The following CNTNAP2 variants were observed in gnomAD, a reference collection of about 807,000 sequenced individuals.
CNTNAP2 encodes contactin associated protein 2, also known as contactin-associated protein-like 2.
Under a neutral mutation model 155.2 loss-of-function variants are expected in CNTNAP2, and 98 were observed. That is an observed-to-expected ratio of 0.63 (90% CI 0.54 to 0.75). The LOEUF is 0.75. Ranked by LOEUF, CNTNAP2 falls within the 30% of genes least tolerant of loss-of-function variation. The pLI is 0.00. For synonymous variants in CNTNAP2, 651 were observed against 631.2 expected (o/e 1.03, Z -0.47); for missense variants, 1,727 against 1,688.1 (o/e 1.02, Z -0.40).
chr7:146,262,557 AAAAC>A (rs1195032871), intron 1 of CNTNAP2, among the ~76,000 whole-genome samples: 1 of 152,234 alleles, frequency 6.6e-6, no homozygotes, highest in Non-Finnish European at 1.5e-5. Flanking sequence ...TTGGTAATAA[AAAAC>A]AAGCAACCAA....
rs1230815767 is a variant in CNTNAP2 at position 147,685,406 on chromosome 7, T to A, written c.2098+46100T>A. On this transcript the variant is annotated intron_variant, in intron 13 of 23. Coordinates refer to ENST00000361727, the MANE Select transcript of CNTNAP2 (RefSeq NM_014141.6). Reference sequence around the variant, plus strand: ...ATGGACTTGACTTCTCTTGGAAATATAACTCAGAGTGTTTGAGAGATTTAG... The same window carrying A: ...ATGGACTTGACTTCTCTTGGAAATAAAACTCAGAGTGTTTGAGAGATTTAG... Among the ~76,000 whole-genome samples the A allele has an allele frequency of 7.1e-4, 108 of 152,004 alleles. 1 individual carries two copies. Among genetic ancestry groups the A allele is most frequent in the Non-Finnish European group, 1.5e-4 (10 of 67,960 alleles).
At chr7:147,322,024 G>C (rs184870665) in intron 9 of CNTNAP2, among the ~76,000 whole-genome samples, 1 of 152,304 alleles carries the variant, frequency 6.6e-6, no homozygotes, top group Admixed American at 6.5e-5. Context: ...GAGTCAGGAA[G>C]CTAGGCTTTT....
chr7:147,807,562 T>G (rs1291071102), intron 13 of CNTNAP2, among the ~76,000 whole-genome samples: 1 of 152,140 alleles, frequency 6.6e-6, no homozygotes, highest in Non-Finnish European at 1.5e-5. Context: ...ACGTAGTCAT[T>G]CTATCCATCT....
intron 13 of CNTNAP2, among the ~76,000 whole-genome samples, chr7:147,900,736 C>T (rs1341903859): frequency 6.6e-6 from 1 of 152,140 alleles, no homozygotes; most frequent in East Asian, 1.9e-4. Flanking sequence ...CCTGCCTCAG[C>T]CTCCCAAGTA....
At chr7:148,355,166 CTTTTTTTTTTTTTTTTTTT>C (rs1167992306) in intron 21 of CNTNAP2, among the ~76,000 whole-genome samples, 3 of 41,022 alleles carry the variant, frequency 7.3e-5, no homozygotes, top group African/African-American at 1.0e-4. Context: ...CCGCCAGCTG[CTTTTTTTTTTTTTTTTTTT>C]TTTTTTTTTT....
intron 13 of CNTNAP2, among the ~76,000 whole-genome samples, chr7:147,746,531 C>T (rs74737226): frequency 0.19 from 29,216 of 151,948 alleles, 3,222 homozygotes; most frequent in Middle Eastern, 0.38. Context: ...CCTTCTACCC[C>T]ATCACGACAC....
At chr7:146,189,567 T>C (rs1798672718) in intron 1 of CNTNAP2, among the ~76,000 whole-genome samples, 1 of 152,182 alleles carries the variant, frequency 6.6e-6, no homozygotes, top group Admixed American at 6.5e-5. Context: ...AGTCTATACA[T>C]ATGCACAAAG....
chr7:147,958,130 T>G (rs887189544), intron 14 of CNTNAP2, among the ~76,000 whole-genome samples: 35 of 152,170 alleles, frequency 2.3e-4, no homozygotes, highest in Admixed American at 1.3e-4. Context: ...CAAAGACGCT[T>G]TAACTTTCTA....
intron 5 of CNTNAP2, among the ~76,000 whole-genome samples, chr7:147,115,913 T>C (rs754679479): frequency 3.7e-4 from 57 of 152,208 alleles, no homozygotes; most frequent in Non-Finnish European, 4.3e-4. Context: ...TTTTTCAGAA[T>C]TTTTTGCATT....
intron 1 of CNTNAP2, among the ~76,000 whole-genome samples, chr7:146,671,875 T>A (rs1270882359): frequency 1.3e-5 from 2 of 152,206 alleles, no homozygotes; most frequent in East Asian, 3.9e-4. Context: ...AAGTGCAATG[T>A]TGTGATCTCA....
chr7:147,615,227 GCACTCCAGC>G (rs71527829), intron 12 of CNTNAP2, among the ~76,000 whole-genome samples: 92,219 of 134,240 alleles, frequency 0.69, 31,769 homozygotes, highest in African/African-American at 0.78. Flanking sequence ...TCATGCCACT[GCACTCCAGC>G]CACTCCAGCT....
intron 12 of CNTNAP2, among the ~76,000 whole-genome samples, chr7:147,564,213 C>T (rs12703945): frequency 0.45 from 67,895 of 151,660 alleles, 15,399 homozygotes; most frequent in East Asian, 0.61. Flanking sequence ...GAACTAGCGT[C>T]CCCCTAAATT....
Position 146,893,981 on chromosome 7 carries a change from G to A in CNTNAP2, c.402+54077G>A, listed in dbSNP as rs559918390. Among the ~76,000 whole-genome samples the A allele has an allele frequency of 1.1e-4, 17 of 152,274 alleles. No homozygotes were observed. The South Asian group carries it at 3.5e-3, about 32-fold the overall frequency. On this transcript the variant is annotated intron_variant, in intron 3 of 23. Transcript: ENST00000361727. ...GGCTATCCTTTAAGACTATGTTCTTGAAATATTTGTTAATTAGTTATTTAG... is the reference window on the plus strand; with the variant it reads ...GGCTATCCTTTAAGACTATGTTCTTAAAATATTTGTTAATTAGTTATTTAG...
chr7:147,470,973 G>A (rs1181264177), intron 10 of CNTNAP2, among the ~76,000 whole-genome samples: 1 of 152,156 alleles, frequency 6.6e-6, no homozygotes, highest in East Asian at 1.9e-4. Flanking sequence ...GACAGACTGA[G>A]AAGGAGCAGC....
chr7:147,864,001 C>T (rs936587307), intron 13 of CNTNAP2, among the ~76,000 whole-genome samples: 2 of 151,990 alleles, frequency 1.3e-5, no homozygotes, highest in African/African-American at 4.8e-5. Context: ...AAGTCCTTGC[C>T]CATGCCTATG....
chr7:146,785,098 G>T (rs1802553303), intron 2 of CNTNAP2, among the ~76,000 whole-genome samples: 1 of 151,472 alleles, frequency 6.6e-6, no homozygotes, highest in Non-Finnish European at 1.5e-5. Context: ...AGCCTCCTGA[G>T]TAGCTAAGAC....
chr7:146,257,369 T>A (rs557866532), intron 1 of CNTNAP2, among the ~76,000 whole-genome samples: 1 of 152,346 alleles, frequency 6.6e-6, no homozygotes, highest in Admixed American at 6.5e-5. Context: ...TTTCTATATA[T>A]CTGCTCTGTT....
In CNTNAP2 at chr7:146,344,113, T is replaced by G. The variant is rs148550904; in HGVS notation, c.97+227140T>G. 9.9e-4 allele frequency among the ~76,000 whole-genome samples: 151 copies of G among 152,284 alleles called. 1 individual carries two copies. Among genetic ancestry groups the G allele is most frequent in the Non-Finnish European group, 1.3e-3 (87 of 68,004 alleles). On this transcript the variant is annotated intron_variant, in intron 1 of 23. Transcript: ENST00000361727. ...AGCAGTGTTTTCCTGCTATTTAACTTTGAAACAGAAAACTTTTTTTGTTGC... is the reference window on the plus strand; with the variant it reads ...AGCAGTGTTTTCCTGCTATTTAACTGTGAAACAGAAAACTTTTTTTGTTGC...
chr7:147,046,158 A>G (rs2129256233), intron 4 of CNTNAP2, among the ~76,000 whole-genome samples: 1 of 152,238 alleles, frequency 6.6e-6, no homozygotes, highest in African/African-American at 2.4e-5. Context: ...GCCAAAGCTC[A>G]CTATCACCGT....
Sources: allele counts gnomAD v4.1 joint callset (sites outside exome capture counted in the v4.1 genomes callset), GRCh38; gene constraint gnomAD v4.1.1; transcripts MANE v1.5; gene names NCBI Gene and HGNC (gene_info 2026-07-23, HGNC 2026-07-21).